SLC44A5: variants seen among roughly 807,000 people sequenced by gnomAD.
SLC44A5 encodes choline transporter-like protein 5.
Under a neutral mutation model 101.8 loss-of-function variants are expected in SLC44A5, and 57 were observed. That is an observed-to-expected ratio of 0.56 (90% CI 0.45 to 0.70). SLC44A5 has a LOEUF of 0.70. SLC44A5 is among the 30% of genes least tolerant of loss of function. SLC44A5 has a pLI of 0.00. For synonymous variants in SLC44A5, 281 were observed against 290.9 expected (o/e 0.97, Z 0.35); for missense variants, 737 against 853.1 (o/e 0.86, Z 1.70).
intron 2 of SLC44A5, chr1:75,398,458 T>C (rs1662267788): frequency 1.1e-6 from 1 of 921,264 alleles, no homozygotes; most frequent in Non-Finnish European, 1.3e-6. Flanking sequence ...GTAGTTACTA[T>C]AATGTAGGTG....
chr1:75,705,323 T>C, the SLC44A5 span, among the ~76,000 whole-genome samples: 1 of 152,176 alleles, frequency 6.6e-6, no homozygotes, highest in Non-Finnish European at 1.5e-5. Flanking sequence ...ATGAGTTGCA[T>C]TGCTGTCTTT....
At chr1:75,549,938 T>G (rs542355761) in intron 1 of SLC44A5, among the ~76,000 whole-genome samples, 1 of 152,076 alleles carries the variant, frequency 6.6e-6, no homozygotes, top group Admixed American at 6.6e-5. Context: ...GCTGATTAAA[T>G]GAGAAAAGAG....
intron 6 of SLC44A5, among the ~76,000 whole-genome samples, chr1:75,253,207 C>T (rs1049506074): frequency 7.9e-5 from 12 of 152,154 alleles, no homozygotes; most frequent in Non-Finnish European, 1.8e-4. Context: ...TAAGCTAGAA[C>T]CAGAAAGGAA....
At chr1:75,661,412 A>C in the SLC44A5 span, among the ~76,000 whole-genome samples, 1 of 146,572 alleles carries the variant, frequency 6.8e-6, no homozygotes, top group African/African-American at 2.6e-5. Flanking sequence ...AAAAAAAAAA[A>C]AAACACCATG....
Position 75,345,998 on chromosome 1 carries a change from T to C in SLC44A5, c.53-6368A>G, listed in dbSNP as rs184409224. On this transcript the variant is annotated intron_variant, in intron 3 of 23. Coordinates refer to ENST00000370859, the MANE Select transcript of SLC44A5 (RefSeq NM_001130058.2). ...GAAGCATTACAGAGGAATACATTTG[T>C]TGGGGGTGAAAGAAAGGGCATGGTA... is the stretch of plus-strand genomic sequence containing the variant. Among the ~76,000 whole-genome samples the C allele has an allele frequency of 4.6e-5, 7 of 152,244 alleles. No individual in the cohort carries two copies. The East Asian group carries it at 1.4e-3, about 29-fold the overall frequency.
At chr1:75,587,975 T>C (rs778283501) in intron 1 of SLC44A5, among the ~76,000 whole-genome samples, 9 of 152,146 alleles carry the variant, frequency 5.9e-5, no homozygotes, top group African/African-American at 4.8e-5. Context: ...GGCAGAATAA[T>C]TGGATTTCAG....
chr1:75,204,972 G>A (rs1477235910), intron 23 of SLC44A5: 1 of 152,134 alleles, frequency 6.6e-6, no homozygotes, highest in Non-Finnish European at 1.5e-5. Context: ...TTGTCTTGTT[G>A]AATAATAAAA....
chr1:75,251,254 T>C lies in SLC44A5; in HGVS notation c.301A>G (p.Thr101Ala). ...AGGTTTAGCAACACGGAGGGACTGG[T>C]ACAGCGTAACAGGTTAAAGTAAAAC... ...ILFYFNLLRC[T>A]SPSVLLNLQC... The change falls in exon 7 of 24, where the codon ACC (threonine) becomes GCC (alanine). Residue 101 changes from threonine (T) to alanine (A), a missense_variant. Physicochemically the swap from Thr to Ala is moderately conservative, Grantham distance 58. This residue lies in a region of SLC44A5 where 665 missense variants were observed against 764.4 expected (regional missense o/e 0.87). Transcript: ENST00000370859. 6.2e-7 allele frequency: 1 copy of C among 1,613,590 alleles called. No homozygotes were observed. Among genetic ancestry groups the C allele is most frequent in the Non-Finnish European group, 8.5e-7 (1 of 1,179,620 alleles).
intron 3 of SLC44A5, among the ~76,000 whole-genome samples, chr1:75,376,926 T>C (rs1454594497): frequency 1.3e-5 from 2 of 151,994 alleles, no homozygotes; most frequent in Non-Finnish European, 2.9e-5. Flanking sequence ...TTGAAAACTT[T>C]GAAAAAAATT....
chr1:75,391,277 C>T (rs1354003984), intron 3 of SLC44A5, among the ~76,000 whole-genome samples: 1 of 152,058 alleles, frequency 6.6e-6, no homozygotes, highest in Admixed American at 6.6e-5. Context: ...GGCCATACTG[C>T]CCAAAGCAAT....
chr1:75,321,860 A>G (rs1378270469), intron 4 of SLC44A5, among the ~76,000 whole-genome samples: 1 of 152,142 alleles, frequency 6.6e-6, no homozygotes, highest in Admixed American at 6.6e-5. Flanking sequence ...TCTTAGTCCA[A>G]TTGTTCAGAG....
At chr1:75,503,872 T>C (rs1452051999) in intron 2 of SLC44A5, among the ~76,000 whole-genome samples, 1 of 152,188 alleles carries the variant, frequency 6.6e-6, no homozygotes, top group African/African-American at 2.4e-5. Flanking sequence ...AGGTCTGTAG[T>C]GTATCCTGCC....
chr1:75,689,429 C>T, the SLC44A5 span, among the ~76,000 whole-genome samples: 3 of 152,198 alleles, frequency 2.0e-5, no homozygotes, highest in East Asian at 1.9e-4. Flanking sequence ...GGGGGAACTC[C>T]ACAAATGAAG....
chr1:75,320,436 T>C (rs1448921343), intron 4 of SLC44A5, among the ~76,000 whole-genome samples: 1 of 152,114 alleles, frequency 6.6e-6, no homozygotes, highest in Non-Finnish European at 1.5e-5. Context: ...GATGTTTAAA[T>C]ACAACACACC....
At chr1:75,219,561 T>C (rs1647033568) in intron 15 of SLC44A5, among the ~76,000 whole-genome samples, 1 of 152,164 alleles carries the variant, frequency 6.6e-6, no homozygotes, top group African/African-American at 2.4e-5. Context: ...AGGAGCTTTC[T>C]TGGCTTATTG....
At chr1:75,589,327 AT>A (rs1674209365) in intron 1 of SLC44A5, among the ~76,000 whole-genome samples, 1 of 152,222 alleles carries the variant, frequency 6.6e-6, no homozygotes, top group Non-Finnish European at 1.5e-5. Flanking sequence ...AAGTTTCCTT[AT>A]CTGCTAAGGG....
chr1:75,600,866 C>T (rs993197858), intron 1 of SLC44A5, among the ~76,000 whole-genome samples: 3 of 152,144 alleles, frequency 2.0e-5, no homozygotes, highest in African/African-American at 7.2e-5. Flanking sequence ...GTACATTCTA[C>T]AATGTTTGCA....
At chr1:75,673,863 G>T in the SLC44A5 span, among the ~76,000 whole-genome samples, 13 of 152,058 alleles carry the variant, frequency 8.5e-5, no homozygotes, top group East Asian at 1.2e-3. Context: ...CTGAGCTTGG[G>T]GTCTCATAAT....
chr1:75,403,136 G>C lies in SLC44A5; in HGVS notation c.14-6515C>G, dbSNP rs945409486. 6.6e-5 allele frequency among the ~76,000 whole-genome samples: 10 copies of C among 152,338 alleles called. No individual in the cohort carries two copies. The South Asian group carries it at 1.7e-3, about 25-fold the overall frequency. On this transcript the variant is annotated intron_variant, in intron 2 of 23. Coordinates refer to ENST00000370859, the MANE Select transcript of SLC44A5 (RefSeq NM_001130058.2). The stretch of plus-strand genomic sequence containing the variant: ...ACTGCAAAGACACTGTAGCCAGACT[G>C]CCTCTCTAGATTCCAACTCTCTGGG...
Sources: allele counts gnomAD v4.1 joint callset (sites outside exome capture counted in the v4.1 genomes callset), GRCh38; gene constraint gnomAD v4.1.1; regional missense constraint gnomAD v4.1.1; transcripts MANE v1.5; gene names NCBI Gene and HGNC (gene_info 2026-07-23, HGNC 2026-07-21).